Variants in ADK observed in about 807,000 individuals in gnomAD.
ADK encodes adenosine kinase.
In ADK, 24 loss-of-function variants were observed where a neutral mutation model predicts 44.7. The ratio of observed to expected loss-of-function variants is 0.54; its 90% CI spans 0.39 to 0.76. The LOEUF is 0.76. Ranked by LOEUF, ADK falls within the 30% of genes least tolerant of loss-of-function variation. The pLI, the probability that ADK is intolerant of heterozygous loss-of-function variation, is 0.00. For synonymous variants in ADK, 128 were observed against 142.6 expected, an observed-to-expected ratio of 0.90 and a Z score of 0.73; for missense variants, 321 against 425.1, an observed-to-expected ratio of 0.76 and a Z score of 2.15.
chr10:74,532,108 A>C (rs1179583162), intron 7 of ADK, among the ~76,000 whole-genome samples: 1 of 152,190 alleles, frequency 6.6e-6, no homozygotes, highest in African/African-American at 2.4e-5. Context: ...TAGCATTTTG[A>C]AATCCATCAA....
chr10:74,456,246 G>A (rs939794006), intron 6 of ADK, among the ~76,000 whole-genome samples: 4 of 151,962 alleles, frequency 2.6e-5, no homozygotes, highest in Non-Finnish European at 5.9e-5. Flanking sequence ...ATTCTTCTCC[G>A]CACCACATCG....
chr10:74,185,384 C>G (rs1842708955), intron 1 of ADK, among the ~76,000 whole-genome samples: 1 of 151,778 alleles, frequency 6.6e-6, no homozygotes, highest in African/African-American at 2.4e-5. Context: ...ATAGATGATG[C>G]TTGACAGAAG....
chr10:74,512,809 G>A (rs1848394778), intron 6 of ADK, among the ~76,000 whole-genome samples: 1 of 151,216 alleles, frequency 6.6e-6, no homozygotes, highest in African/African-American at 2.4e-5. Context: ...TTAATTTTGG[G>A]TTTAGTTTAT....
chr10:74,277,189 A>G (rs559069367), intron 3 of ADK, among the ~76,000 whole-genome samples: 1 of 152,178 alleles, frequency 6.6e-6, no homozygotes, highest in Admixed American at 6.5e-5. Flanking sequence ...AAATGCTGGG[A>G]TTACAGGCAT....
At chr10:74,162,947 TCTC>T (rs985151441) in intron 1 of ADK, among the ~76,000 whole-genome samples, 1 of 151,936 alleles carries the variant, frequency 6.6e-6, no homozygotes, top group Non-Finnish European at 1.5e-5. Flanking sequence ...TAAATACACT[TCTC>T]CTACGTGAAC....
At chr10:74,385,467 C>T (rs1277211055) in intron 4 of ADK, among the ~76,000 whole-genome samples, 1 of 152,054 alleles carries the variant, frequency 6.6e-6, no homozygotes, top group Non-Finnish European at 1.5e-5. Context: ...CCTGGGAATC[C>T]AGGCCTGAGA....
chr10:74,274,257 CA>C (rs1281832929), intron 3 of ADK, among the ~76,000 whole-genome samples: 1 of 152,046 alleles, frequency 6.6e-6, no homozygotes, highest in Non-Finnish European at 1.5e-5. Flanking sequence ...CTAGAGAAAA[CA>C]AAGTGTTATT....
chr10:74,223,712 A>AT (rs150220788), intron 2 of ADK, among the ~76,000 whole-genome samples: 53 of 152,246 alleles, frequency 3.5e-4, no homozygotes, highest in Non-Finnish European at 5.4e-4. Context: ...AGCAACCTGT[A>AT]TTTTATGACC....
At chr10:74,570,282 TTAAAG>T (rs1468491654) in intron 7 of ADK, among the ~76,000 whole-genome samples, 1 of 152,316 alleles carries the variant, frequency 6.6e-6, no homozygotes, top group Admixed American at 6.5e-5. Context: ...CATATGAACT[TTAAAG>T]TAGTTTTTTC....
rs184240593 is a variant in ADK at position 74,561,667 on chromosome 10, T to G, written c.727-27615T>G. Among the ~76,000 whole-genome samples the G allele has an allele frequency of 2.6e-5, 4 of 152,346 alleles. No individual in the cohort carries two copies. The East Asian group carries it at 7.7e-4, about 29-fold the overall frequency. Reference sequence around the variant, plus strand: ...AGATGTTCACTGTTTATAACATCATTATATGAGTCCATGTTAAACCAGAGA... The same window carrying G: ...AGATGTTCACTGTTTATAACATCATGATATGAGTCCATGTTAAACCAGAGA... On this transcript the variant is annotated intron_variant, in intron 7 of 10. Transcript: ENST00000539909.
intron 6 of ADK, among the ~76,000 whole-genome samples, chr10:74,439,226 C>T (rs1845307667): frequency 6.6e-6 from 1 of 152,126 alleles, no homozygotes; most frequent in African/African-American, 2.4e-5. Flanking sequence ...AGAGACTTGC[C>T]CTAGGCTTTC....
chr10:74,390,384 A>G (rs566276874), intron 4 of ADK, among the ~76,000 whole-genome samples: 1 of 152,304 alleles, frequency 6.6e-6, no homozygotes, highest in South Asian at 2.1e-4. Flanking sequence ...GGAATGATTT[A>G]GCTACAGTAT....
At chr10:74,669,702 C>T (rs1390198770) in intron 9 of ADK, among the ~76,000 whole-genome samples, 1 of 152,068 alleles carries the variant, frequency 6.6e-6, no homozygotes, top group Non-Finnish European at 1.5e-5. Context: ...TTTTATTGTG[C>T]CATTGTGATT....
At chr10:74,532,869 G>A (rs1450900944) in intron 7 of ADK, among the ~76,000 whole-genome samples, 1 of 132,144 alleles carries the variant, frequency 7.6e-6, no homozygotes, top group African/African-American at 2.9e-5. Flanking sequence ...GCGATGAGCC[G>A]AGATCATGCC....
At chr10:74,568,072 C>T (rs745456617) in intron 7 of ADK, among the ~76,000 whole-genome samples, 1 of 152,134 alleles carries the variant, frequency 6.6e-6, no homozygotes, top group Non-Finnish European at 1.5e-5. Flanking sequence ...GGGCCACATG[C>T]AGCCCTGGAT....
rs774141544 is a variant in ADK at position 74,398,564 on chromosome 10, A to T, written c.540A>T (p.Arg180Ser). 6.2e-7 allele frequency: 1 copy of T among 1,601,872 alleles called. No homozygotes were observed. The change falls in exon 6 of 11, where the codon AGA becomes AGT. Residue 180 changes from arginine (R) to serine (S), a missense_variant. Coordinates refer to ENST00000539909, the MANE Select transcript of ADK (RefSeq NM_006721.4). ...ACTGGATGTTGGTAGAAAAAGCAAG[A>T]GTTTGTTATATAGCAGTAAGTACTT... ...EKNWMLVEKARVCYIAGFFLT... is the reference protein window; with the variant it reads ...EKNWMLVEKASVCYIAGFFLT...
chr10:74,661,648 T>G (rs1201836124), intron 9 of ADK, among the ~76,000 whole-genome samples: 1 of 152,206 alleles, frequency 6.6e-6, no homozygotes, highest in Non-Finnish European at 1.5e-5. Context: ...ATATAAACTT[T>G]CTTCTGTCTC....
chr10:74,413,729 A>G (rs1844268312), intron 6 of ADK, among the ~76,000 whole-genome samples: 1 of 152,166 alleles, frequency 6.6e-6, no homozygotes, highest in African/African-American at 2.4e-5. Flanking sequence ...CTTTGCATTG[A>G]GAACTTGCCT....
chr10:74,409,151 A>C (rs1208816629), intron 6 of ADK, among the ~76,000 whole-genome samples: 2 of 152,166 alleles, frequency 1.3e-5, no homozygotes, highest in East Asian at 3.8e-4. Context: ...TCACCTCTGC[A>C]TAGTGTTTGG....
Sources: gnomAD v4.1 joint callset for allele counts (sites outside exome capture counted in the v4.1 genomes callset) on GRCh38, gnomAD v4.1.1 for gene constraint, MANE v1.5 for transcripts, NCBI Gene and HGNC (gene_info 2026-07-23, HGNC 2026-07-21) for gene names.